Variants in CDH13 observed in about 807,000 individuals in gnomAD.
The protein encoded by CDH13 is cadherin-13.
Under a neutral mutation model 63.8 loss-of-function variants are expected in CDH13, and 24 were observed. That is an observed-to-expected ratio of 0.38 (90% CI 0.27 to 0.53). The LOEUF (loss-of-function observed/expected upper bound fraction) is 0.53. Among genes scored for constraint, CDH13 ranks in the 20% least tolerant of loss-of-function variants. The pLI is 0.85. For synonymous variants in CDH13, 503 were observed against 355.3 expected (o/e 1.42, Z -4.67); for missense variants, 1,049 against 903.1 (o/e 1.16, Z -2.07).
intron 2 of CDH13, among the ~76,000 whole-genome samples, chr16:82,906,790 T>G (rs531946062): frequency 6.6e-6 from 1 of 152,184 alleles, no homozygotes; most frequent in African/African-American, 2.4e-5. Context: ...TGGTGGCTCC[T>G]GGCAGTCCTT....
chr16:83,369,081 A>T (rs1462679196), intron 6 of CDH13, among the ~76,000 whole-genome samples: 1 of 151,460 alleles, frequency 6.6e-6, no homozygotes, highest in Non-Finnish European at 1.5e-5. Context: ...GTAGATACCT[A>T]GTAGCAGGAT....
intron 6 of CDH13, among the ~76,000 whole-genome samples, chr16:83,385,260 G>A (rs559027508): frequency 6.6e-6 from 1 of 152,366 alleles, no homozygotes; most frequent in South Asian, 2.1e-4. Flanking sequence ...TGTAAGGCAA[G>A]TAAGATCTTC....
chr16:83,201,592 TG>T (rs2039030398), intron 4 of CDH13, among the ~76,000 whole-genome samples: 2 of 151,952 alleles, frequency 1.3e-5, no homozygotes, highest in Admixed American at 1.3e-4. Flanking sequence ...GGACCAAGGC[TG>T]AGGAATAAGA....
At chr16:82,950,149 G>T (rs1260940577) in intron 2 of CDH13, among the ~76,000 whole-genome samples, 1 of 152,088 alleles carries the variant, frequency 6.6e-6, no homozygotes, top group African/African-American at 2.4e-5. Context: ...CAAGGTGTAG[G>T]TAGGGCTGGT....
At chr16:82,829,738 A>C (rs2038440109) in intron 1 of CDH13, 1 of 152,190 alleles carries the variant, frequency 6.6e-6, no homozygotes, top group Non-Finnish European at 1.5e-5. Context: ...TGGATATCAA[A>C]ATACTTTATA....
At chr16:83,429,378 C>T (rs781416513) in intron 6 of CDH13, among the ~76,000 whole-genome samples, 5 of 152,130 alleles carry the variant, frequency 3.3e-5, no homozygotes, top group Non-Finnish European at 7.4e-5. Flanking sequence ...CCTTTGATGA[C>T]CCATCTTTAA....
In CDH13 at chr16:83,386,552, G is replaced by A. The variant is rs549397160; in HGVS notation, c.781+41546G>A. Among the ~76,000 whole-genome samples, 336 of 152,204 alleles carry A rather than the reference G, an allele frequency of 2.2e-3. 2 individuals carry two copies. Among genetic ancestry groups the A allele is most frequent in the Middle Eastern group, 3.4e-3 (1 of 294 alleles). On this transcript the variant is annotated intron_variant, in intron 6 of 13. Coordinates refer to ENST00000567109, the MANE Select transcript of CDH13 (RefSeq NM_001257.5). ...GGATTTTTCAGTTCCACCTATACCC[G>A]GATAGTATTACCCACCCTACTTGAG...
At chr16:82,647,845 G>C (rs114843538) in intron 1 of CDH13, among the ~76,000 whole-genome samples, 5,829 of 152,238 alleles carry the variant, frequency 0.038, 296 homozygotes, top group African/African-American at 0.12. Context: ...TGGTTTGGCT[G>C]TGTCCCTGCC....
At chr16:83,448,164 A>T (rs994232360) in intron 6 of CDH13, among the ~76,000 whole-genome samples, 2 of 152,148 alleles carry the variant, frequency 1.3e-5, no homozygotes, top group African/African-American at 4.8e-5. Context: ...TGAGTGAGCT[A>T]AAGATTTTTT....
intron 3 of CDH13, among the ~76,000 whole-genome samples, chr16:83,108,920 G>A (rs1223015993): frequency 6.6e-6 from 1 of 152,118 alleles, no homozygotes; most frequent in Non-Finnish European, 1.5e-5. Context: ...ATTCTCCAGT[G>A]GGAATGTACT....
chr16:83,230,115 G>T (rs1214364870), intron 5 of CDH13, among the ~76,000 whole-genome samples: 1 of 152,182 alleles, frequency 6.6e-6, no homozygotes, highest in Non-Finnish European at 1.5e-5. Context: ...GAAAGGCTGA[G>T]AAAAATGGGC....
Position 82,973,761 on chromosome 16 carries a change from C to T in CDH13, c.158-58249C>T, listed in dbSNP as rs554704169. On this transcript the variant is annotated intron_variant, in intron 2 of 13. Coordinates refer to ENST00000567109, the MANE Select transcript of CDH13 (RefSeq NM_001257.5). ...CCATGACATTTCCTTTTCTAGTCTC[C>T]TAGGCAGCCATCAACAAGGTGCACA... is the stretch of plus-strand genomic sequence containing the variant. Among the ~76,000 whole-genome samples the T allele has an allele frequency of 2.0e-3, 297 of 152,222 alleles. 1 individual carries two copies. Among genetic ancestry groups the T allele is most frequent in the Middle Eastern group, 0.017 (5 of 294 alleles).
intron 1 of CDH13, among the ~76,000 whole-genome samples, chr16:82,670,851 G>T (rs979263808): frequency 2.0e-5 from 3 of 152,156 alleles, no homozygotes; most frequent in Admixed American, 6.5e-5. Context: ...CAGCTGTTTA[G>T]TACCTGAGAT....
rs181962814 is a variant in CDH13, at chr16:83,469,881, C to T, written c.782-16596C>T. 7.4e-4 allele frequency among the ~76,000 whole-genome samples: 112 copies of T among 152,278 alleles called. 2 individuals are homozygous for T. The South Asian group carries it at 0.013, about 17-fold the overall frequency. ...TGGATAGTGCAAAATACAATGTGTG[C>T]ATTACACACTGAGGAGGCTGCTGCA... On this transcript the variant is annotated intron_variant, in intron 6 of 13. Coordinates refer to ENST00000567109, the MANE Select transcript of CDH13 (RefSeq NM_001257.5).
chr16:82,848,080 G>C (rs886696579), intron 1 of CDH13, among the ~76,000 whole-genome samples: 42 of 152,326 alleles, frequency 2.8e-4, no homozygotes, highest in African/African-American at 8.4e-4. Flanking sequence ...AGAACAAAGA[G>C]AAAGTTGGAG....
At chr16:83,121,718 G>C (rs1009676393) in intron 3 of CDH13, among the ~76,000 whole-genome samples, 2 of 152,120 alleles carry the variant, frequency 1.3e-5, no homozygotes, top group African/African-American at 4.8e-5. Flanking sequence ...CCTTCATACA[G>C]TTTTATTCTT....
chr16:82,801,570 A>G (rs907173151), intron 1 of CDH13, among the ~76,000 whole-genome samples: 3 of 152,220 alleles, frequency 2.0e-5, no homozygotes, highest in African/African-American at 7.2e-5. Flanking sequence ...CAGCAAGGTT[A>G]CTACTGGATG....
In CDH13 at chr16:83,071,225, T is replaced by C. The variant is rs567581089; in HGVS notation, c.366+39007T>C. On this transcript the variant is annotated intron_variant, in intron 3 of 13. Coordinates refer to ENST00000567109, the MANE Select transcript of CDH13 (RefSeq NM_001257.5). ...GTTAGAAGCCTCTACAACACAGCAA[T>C]TGTGGACTGAATGCTTCATTCAGGC... Among the ~76,000 whole-genome samples, 174 of 152,234 alleles carry C rather than the reference T, an allele frequency of 1.1e-3. 1 individual carries two copies. Among genetic ancestry groups the C allele is most frequent in the Non-Finnish European group, 2.1e-3 (144 of 67,996 alleles).
At chr16:83,480,662 C>T (rs1202669750) in intron 6 of CDH13, among the ~76,000 whole-genome samples, 2 of 152,186 alleles carry the variant, frequency 1.3e-5, no homozygotes, top group Non-Finnish European at 2.9e-5. Flanking sequence ...GAAAGCAAAA[C>T]TTGGCCTGCA....
Sources: gnomAD v4.1 joint callset for allele counts (sites outside exome capture counted in the v4.1 genomes callset) on GRCh38, gnomAD v4.1.1 for gene constraint, MANE v1.5 for transcripts, NCBI Gene and HGNC (gene_info 2026-07-23, HGNC 2026-07-21) for gene names.